The following NXPE3 variants were observed in gnomAD, a reference collection of about 807,000 sequenced individuals.
NXPE3 encodes neurexophilin and PC-esterase domain family member 3, also known as NXPE family member 3.
A neutral mutation model predicts 46.1 loss-of-function variants in NXPE3; 26 were observed. The observed-to-expected ratio is 0.56, with a 90% CI of 0.41 to 0.78. The LOEUF is 0.78. Among genes scored for constraint, NXPE3 ranks in the 30% least tolerant of loss-of-function variants. NXPE3 has a pLI of 0.00. For missense variants in NXPE3, 620 were observed against 686.0 expected (o/e 0.90, Z 1.07); for synonymous variants, 272 against 257.9 (o/e 1.05, Z -0.52).
chr3:101,808,954 A>G lies in NXPE3; in HGVS notation c.922+1828A>G, dbSNP rs186522010. ...TAGTACTGCGCTCTAAACACTCTCC[A>G]TGTCCGACATCTTCAGGAGGCCCTG... is the stretch of plus-strand genomic sequence containing the variant. On this transcript the variant is annotated intron_variant, in intron 6 of 7. Coordinates refer to ENST00000273347, the MANE Select transcript of NXPE3 (RefSeq NM_145037.4). Among the ~76,000 whole-genome samples, 15 of 150,052 alleles carry G rather than the reference A, an allele frequency of 1.0e-4. No individual in the cohort carries two copies. In the East Asian group the frequency reaches 3.0e-3, roughly 30 times the overall value.
rs1316028140 is a variant in NXPE3, at chr3:101,825,544, A to G, written c.*3590A>G. 1 of 152,222 alleles carries G rather than the reference A, an allele frequency of 6.6e-6. No individual in the cohort carries two copies. Among genetic ancestry groups the G allele is most frequent in the African/African-American group, 2.4e-5 (1 of 41,468 alleles). 9.4% of individuals were successfully genotyped at this position (152,222 alleles called of 1,614,324 possible). The stretch of plus-strand genomic sequence containing the variant: ...TCCATAATTCTATCATCTGAATGCA[A>G]TGAACATTAGCATTTAGGTATATTT... On this transcript the variant is annotated 3_prime_UTR_variant, in exon 8 of 8. Transcript: ENST00000273347.
intron 7 of NXPE3, 89 bp downstream of exon 7, chr3:101,817,090 A>G: frequency 9.0e-7 from 1 of 1,115,718 alleles, no homozygotes; most frequent in South Asian, 1.3e-5. Flanking sequence ...AAAGGTTATC[A>G]GGTGAGGAAA....
intron 4 of NXPE3, among the ~76,000 whole-genome samples, chr3:101,786,958 C>T (rs558667733): frequency 2.2e-4 from 34 of 152,232 alleles, no homozygotes; most frequent in Admixed American, 3.9e-4. Flanking sequence ...CGCAGTGGCT[C>T]ACACCTGTAA....
chr3:101,781,711 A>G (rs1308475757), intron 1 of NXPE3: 3 of 152,240 alleles, frequency 2.0e-5, no homozygotes, highest in Admixed American at 1.3e-4. Flanking sequence ...TCCTTGAATA[A>G]TAACTTTTAG....
chr3:101,793,103 T>C (rs1369197246), intron 4 of NXPE3, among the ~76,000 whole-genome samples: 3 of 152,230 alleles, frequency 2.0e-5, no homozygotes, highest in Non-Finnish European at 4.4e-5. Context: ...GTGATTTTTG[T>C]ACATTGTTTT....
chr3:101,794,357 T>G (rs988338928), intron 4 of NXPE3, among the ~76,000 whole-genome samples: 4 of 152,184 alleles, frequency 2.6e-5, no homozygotes, highest in Non-Finnish European at 2.9e-5. Context: ...GCCGTGTTCC[T>G]TCCTCTGACC....
intron 6 of NXPE3, among the ~76,000 whole-genome samples, chr3:101,809,194 T>G (rs976794055): frequency 2.6e-5 from 4 of 152,120 alleles, no homozygotes; most frequent in Non-Finnish European, 4.4e-5. Context: ...GTGAGCCTTT[T>G]GATATATTTT....
intron 6 of NXPE3, among the ~76,000 whole-genome samples, chr3:101,815,420 C>A (rs941804983): frequency 4.6e-5 from 7 of 152,178 alleles, no homozygotes; most frequent in African/African-American, 1.7e-4. Flanking sequence ...TAATACTACT[C>A]TGTATGTGTA....
rs763050092 is a variant in NXPE3 at position 101,801,655 on chromosome 3, T to A, written c.514T>A (p.Phe172Ile). 3 of 1,614,100 alleles carry A rather than the reference T, an allele frequency of 1.9e-6. No individual in the cohort carries two copies. Among genetic ancestry groups the A allele is most frequent in the African/African-American group, 1.3e-5 (1 of 74,924 alleles). The change falls in exon 5 of 8, where the codon TTC (phenylalanine) becomes ATC (isoleucine). Residue 172 changes from phenylalanine (F) to isoleucine (I), a missense_variant. By Grantham distance (21) the Phe-to-Ile change is conservative. Around this residue, in one of 3 missense-constraint regions of NXPE3, gnomAD observed 511 missense variants for 528.6 expected, o/e 0.97. Transcript: ENST00000273347. ...TTACCAGAATGGGTTTTACAAGGTT[T>A]TCTTTACTTTGCTATGGCCAGGCAA... ...VDYQNGFYKVFFTLLWPGKVK... is the reference protein window; with the variant it reads ...VDYQNGFYKVIFTLLWPGKVK...
chr3:101,785,503 A>G lies in NXPE3; in HGVS notation c.-94A>G, dbSNP rs950566044. On this transcript the variant is annotated 5_prime_UTR_variant, in exon 4 of 8. Transcript: ENST00000273347. ...CAGGATAGAAGCAAATGAAACTGAA[A>G]GCTCATCTGCAGCTCAGAAAAGCAA... is the stretch of plus-strand genomic sequence containing the variant. 9 of 1,060,888 alleles carry G rather than the reference A, an allele frequency of 8.5e-6. No individual in the cohort carries two copies. The highest frequency in any genetic ancestry group is 2.0e-4 in the Middle Eastern group (1 of 4,978). 65.7% of individuals were successfully genotyped at this position (1,060,888 alleles called of 1,614,324 possible).
chr3:101,813,153 T>G lies in NXPE3; in HGVS notation c.923-3642T>G, dbSNP rs1255926863. On this transcript the variant is annotated intron_variant, in intron 6 of 7. Coordinates refer to ENST00000273347, the MANE Select transcript of NXPE3 (RefSeq NM_145037.4). ...CCTGCTGAGGGCTGTCCCTCCCTACTGACCTTATCCCAAGCTTCCTATGCT... is the reference window on the plus strand; with the variant it reads ...CCTGCTGAGGGCTGTCCCTCCCTACGGACCTTATCCCAAGCTTCCTATGCT... 2.0e-5 allele frequency among the ~76,000 whole-genome samples: 3 copies of G among 152,178 alleles called. No homozygotes were observed. In the East Asian group the frequency reaches 5.8e-4, roughly 29 times the overall value.
chr3:101,779,589 C>G (rs1939694070), intron 1 of NXPE3: 1 of 149,858 alleles, frequency 6.7e-6, no homozygotes, highest in African/African-American at 2.4e-5. Context: ...GCTAAGAAGC[C>G]GGAGCCCAGG....
At chr3:101,812,817 A>C (rs1576774133) in intron 6 of NXPE3, among the ~76,000 whole-genome samples, 1 of 70,286 alleles carries the variant, frequency 1.4e-5, no homozygotes, top group Non-Finnish European at 3.2e-5. Flanking sequence ...GTCTCAAAAA[A>C]AAAAAAAAAA....
rs1942550676 is a variant in NXPE3, at chr3:101,827,570, A to G, written c.*5616A>G. On this transcript the variant is annotated 3_prime_UTR_variant, in exon 8 of 8. Transcript: ENST00000273347. ...AGGGGCCACACAGAAAAAGCGAAAT[A>G]AGATGAGGTGAATCTAATGAGAAGG... Among the ~76,000 whole-genome samples the G allele has an allele frequency of 6.6e-6, 1 of 152,178 alleles. No homozygotes were observed. The highest frequency in any genetic ancestry group is 2.1e-4 in the South Asian group (1 of 4,834).
intron 6 of NXPE3, among the ~76,000 whole-genome samples, chr3:101,812,171 C>T (rs1174445423): frequency 6.6e-6 from 1 of 152,054 alleles, no homozygotes; most frequent in Non-Finnish European, 1.5e-5. Flanking sequence ...TAGAAAATGG[C>T]AGATAAATGT....
chr3:101,817,146 G>C, intron 7 of NXPE3, 145 bp downstream of exon 7: 2 of 708,094 alleles, frequency 2.8e-6, no homozygotes, highest in Non-Finnish European at 4.9e-6. Context: ...ACCCTGGAGA[G>C]ATGTGTGACA....
At position 101,785,661 on chromosome 3, in the gene NXPE3, T is replaced by C. The variant is rs199500276; in HGVS notation, c.65T>C (p.Val22Ala). Residue 22 changes from valine to alanine, a missense_variant, in exon 4 of 8, where the codon GTG (valine) becomes GCG (alanine). Val to Ala is a moderately conservative substitution (Grantham distance 64, BLOSUM62 0). Coordinates refer to ENST00000273347, the MANE Select transcript of NXPE3 (RefSeq NM_145037.4). ...CCLLAVLMVV[V>A]LVINVTQVEY... ...CTGCTTGCAGTGTTGATGGTGGTGG[T>C]GCTGGTCATCAATGTTACTCAGGTA... 7 of 1,613,914 alleles carry C rather than the reference T, an allele frequency of 4.3e-6. No individual in the cohort carries two copies. Among genetic ancestry groups the C allele is most frequent in the Non-Finnish European group, 8.5e-7 (1 of 1,179,922 alleles).
intron 3 of NXPE3, among the ~76,000 whole-genome samples, chr3:101,783,995 T>G (rs1388717105): frequency 6.6e-6 from 1 of 152,198 alleles, no homozygotes; most frequent in East Asian, 1.9e-4. Flanking sequence ...CTGGTGGATT[T>G]ATTTCTCCTT....
chr3:101,807,061 A>G lies in NXPE3; in HGVS notation c.857A>G (p.Asn286Ser), dbSNP rs778935784. The G allele has an allele frequency of 5.6e-6, 9 of 1,611,584 alleles. No homozygotes were observed. The Admixed American group carries it at 6.7e-5, about 12-fold the overall frequency. The change falls in exon 6 of 8, where the codon AAT becomes AGT. Residue 286 changes from asparagine (N) to serine (S), a missense_variant. Around this residue, in one of 3 missense-constraint regions of NXPE3, gnomAD observed 511 missense variants for 528.6 expected, o/e 0.97. Coordinates refer to ENST00000273347, the MANE Select transcript of NXPE3 (RefSeq NM_145037.4). ...TTTTATTCCTCTTAAAGTGGTGTCA[A>G]TATCAAAATGCCAGTCAACTCCAGT... ...AESAFFQSGV[N>S]IKMPVNSSGP...
Sources: allele counts gnomAD v4.1 joint callset (sites outside exome capture counted in the v4.1 genomes callset), GRCh38; gene constraint gnomAD v4.1.1; regional missense constraint gnomAD v4.1.1; transcripts MANE v1.5; gene names NCBI Gene and HGNC (gene_info 2026-07-23, HGNC 2026-07-21).